ZNF469: variants seen among roughly 807,000 people sequenced by gnomAD.
The protein encoded by ZNF469 is zinc finger protein 469.
A neutral mutation model predicts 1.0 loss-of-function variants in ZNF469; 1 was observed. The observed-to-expected ratio is 1.00, with a 90% CI of 0.35 to 4.73. The LOEUF is 4.73. ZNF469 is among the 30% of genes most tolerant of loss of function. ZNF469 has a pLI of 0.16. For missense variants in ZNF469, 6,100 were observed against 5,356.3 expected (o/e 1.14, Z -4.33); for synonymous variants, 2,703 against 2,363.4 (o/e 1.14, Z -4.17).
chr16:88,286,414 C>A, the ZNF469 span, among the ~76,000 whole-genome samples: 3 of 152,238 alleles, frequency 2.0e-5, no homozygotes, highest in Non-Finnish European at 2.9e-5. Context: ...CTCGCTGGTG[C>A]CCTCTTCTCC....
chr16:88,435,866 C>T lies in ZNF469; in HGVS notation c.8396C>T (p.Pro2799Leu), dbSNP rs1217092703. 6.5e-7 allele frequency: 1 copy of T among 1,550,300 alleles called. No homozygotes were observed. The highest frequency in any genetic ancestry group is 8.7e-7 in the Non-Finnish European group (1 of 1,146,960). The change falls in exon 3 of 3, where the codon CCC becomes CTC. Residue 2799 changes from proline (P) to leucine (L), a missense_variant. By Grantham distance (98) the Pro-to-Leu change is moderately conservative. Coordinates refer to ENST00000565624, the MANE Select transcript of ZNF469 (RefSeq NM_001367624.2). ...VWEENTPPLGPLGFPETSSSP... is the reference protein window; with the variant it reads ...VWEENTPPLGLLGFPETSSSP... ...GAGGAGAACACGCCCCCCTTGGGCCCCCTGGGTTTTCCCGAGACTTCCAGC... is the reference window on the plus strand; with the variant it reads ...GAGGAGAACACGCCCCCCTTGGGCCTCCTGGGTTTTCCCGAGACTTCCAGC...
At chr16:88,182,844 TTAGA>T in the ZNF469 span, among the ~76,000 whole-genome samples, 2 of 151,964 alleles carry the variant, frequency 1.3e-5, no homozygotes, top group Non-Finnish European at 2.9e-5. Flanking sequence ...TCAAAGATTC[TTAGA>T]TAGGATACAA....
At chr16:88,262,692 A>G in the ZNF469 span, among the ~76,000 whole-genome samples, 1 of 151,994 alleles carries the variant, frequency 6.6e-6, no homozygotes, top group East Asian at 1.9e-4. This position sits in a 1 kb window ranked among gnomAD's most constrained non-coding sequence, Gnocchi z 4.3. Context: ...CAGGCCGACA[A>G]TTTCCCTGCC....
At chr16:88,366,189 A>G in the ZNF469 span, among the ~76,000 whole-genome samples, 82 of 129,966 alleles carry the variant, frequency 6.3e-4, no homozygotes, top group South Asian at 2.2e-3. Context: ...TCATCACTAT[A>G]ACCATTTTCA....
At chr16:88,144,413 A>C in the ZNF469 span, among the ~76,000 whole-genome samples, 1 of 152,194 alleles carries the variant, frequency 6.6e-6, no homozygotes, top group African/African-American at 2.4e-5. Context: ...AGATAAGGGG[A>C]TGGTGTGATT....
At chr16:88,240,866 T>C in the ZNF469 span, among the ~76,000 whole-genome samples, 1 of 152,052 alleles carries the variant, frequency 6.6e-6, no homozygotes, top group Non-Finnish European at 1.5e-5. Context: ...GGACCCTCAG[T>C]GTGCCCCAGC....
the ZNF469 span, among the ~76,000 whole-genome samples, chr16:88,377,938 C>A: frequency 4.6e-5 from 7 of 152,258 alleles, no homozygotes; most frequent in South Asian, 1.5e-3. Flanking sequence ...GTGCCTAGGG[C>A]AGCACAGGGG....
chr16:88,337,454 A>G, the ZNF469 span, among the ~76,000 whole-genome samples: 1 of 152,198 alleles, frequency 6.6e-6, no homozygotes, highest in Non-Finnish European at 1.5e-5. Flanking sequence ...TAAATTACCC[A>G]GTCTCGGGTA....
At chr16:88,259,464 C>G in the ZNF469 span, among the ~76,000 whole-genome samples, 4 of 152,326 alleles carry the variant, frequency 2.6e-5, no homozygotes, top group South Asian at 6.2e-4. The surrounding 1 kb of genome is among the most constrained non-coding windows in gnomAD (Gnocchi z 4.1). Context: ...TGTGGATGCC[C>G]CGCATGCTTC....
At chr16:88,204,284 C>T in the ZNF469 span, among the ~76,000 whole-genome samples, 1 of 152,012 alleles carries the variant, frequency 6.6e-6, no homozygotes, top group Non-Finnish European at 1.5e-5. Flanking sequence ...CCGGAGGTGC[C>T]CCGTAACCTC....
chr16:88,430,509 G>T lies in ZNF469; in HGVS notation c.3039G>T (p.Pro1013=). ...GCGCAGACCCCGCGCCCCGGGTCCCGAGAGCCGCCGCCCTCCCCGAGGAGA... is the reference window on the plus strand; with the variant it reads ...GCGCAGACCCCGCGCCCCGGGTCCCTAGAGCCGCCGCCCTCCCCGAGGAGA... ...GSRADPAPRV[P]RAAALPEETR... is the part of the protein sequence containing the mutation. The change falls in exon 3 of 3, where the codon CCG becomes CCT. Residue 1013 remains proline (P), a synonymous_variant. Coordinates refer to ENST00000565624, the MANE Select transcript of ZNF469 (RefSeq NM_001367624.2). The T allele has an allele frequency of 7.0e-7, 1 of 1,424,460 alleles. No individual in the cohort carries two copies. Among genetic ancestry groups the T allele is most frequent in the South Asian group, 1.5e-5 (1 of 67,462 alleles). The allele number at this position is 1,424,460 out of a possible 1,614,324, so 88.2% of individuals were successfully genotyped here.
chr16:88,398,604 G>GCATGTGAGCCATGGATGAAGGGA lies in ZNF469; in HGVS notation c.-192+15354_-192+15376dup, dbSNP rs1904764996. Among the ~76,000 whole-genome samples the GCATGTGAGCCATGGATGAAGGGA allele has an allele frequency of 2.1e-5, 3 of 145,754 alleles. No individual in the cohort carries two copies. In the East Asian group the frequency reaches 6.2e-4, roughly 30 times the overall value. On this transcript the variant is annotated intron_variant, in intron 1 of 2. Coordinates refer to ENST00000565624, the MANE Select transcript of ZNF469 (RefSeq NM_001367624.2). ...GGGACATGTGCCACAGATGAAGGGG[G>GCATGTGAGCCATGGATGAAGGGA]CATGTGAGCCATGGATGAAGGGACA... is the stretch of plus-strand genomic sequence containing the variant.
chr16:88,349,558 C>G, the ZNF469 span, among the ~76,000 whole-genome samples: 1 of 150,438 alleles, frequency 6.6e-6, no homozygotes, highest in Non-Finnish European at 1.5e-5. Context: ...ACACACCACA[C>G]CCAAGTGCAC....
upstream of ZNF469, among the ~76,000 whole-genome samples, chr16:88,382,007 A>G (rs1275022813): frequency 1.3e-5 from 2 of 152,166 alleles, no homozygotes; most frequent in East Asian, 3.9e-4. Flanking sequence ...CTCCCGGGGG[A>G]CCTTTGTCTG....
At chr16:88,343,028 C>T in the ZNF469 span, among the ~76,000 whole-genome samples, 5 of 152,120 alleles carry the variant, frequency 3.3e-5, no homozygotes, top group East Asian at 1.9e-4. Flanking sequence ...GGCAAAGCAG[C>T]GGGCAGATAG....
chr16:88,418,821 G>A (rs1168506165), intron 1 of ZNF469, among the ~76,000 whole-genome samples: 1 of 152,246 alleles, frequency 6.6e-6, no homozygotes, highest in African/African-American at 2.4e-5. Context: ...TCAGGTAACA[G>A]ATAGTTTTTA....
At chr16:88,167,826 C>G in the ZNF469 span, among the ~76,000 whole-genome samples, 2 of 152,378 alleles carry the variant, frequency 1.3e-5, no homozygotes, top group African/African-American at 4.8e-5. Flanking sequence ...CTCTGCACCG[C>G]TCCCCAGGAC....
At position 88,438,268 on chromosome 16, in the gene ZNF469, T is replaced by C. The variant is rs1371747307; in HGVS notation, c.10798T>C (p.Ser3600Pro). Reference sequence around the variant, plus strand: ...CCAGCAAGCTCTCCCTCTGGGGGCATCTCTGCCGCGGCCGGGAGCCAGAGG... The same window carrying C: ...CCAGCAAGCTCTCCCTCTGGGGGCACCTCTGCCGCGGCCGGGAGCCAGAGG... The part of the protein sequence containing the change: ...LLQQALPLGA[S>P]LPRPGARGQD... Residue 3600 changes from serine (S) to proline (P), a missense_variant, in exon 3 of 3, where the codon TCT becomes CCT. By Grantham distance (74) the Ser-to-Pro change is moderately conservative. Coordinates refer to ENST00000565624, the MANE Select transcript of ZNF469 (RefSeq NM_001367624.2). The C allele has an allele frequency of 6.5e-7, 1 of 1,547,942 alleles. No individual in the cohort carries two copies. Among genetic ancestry groups the C allele is most frequent in the African/African-American group, 1.4e-5 (1 of 72,938 alleles).
the ZNF469 span, among the ~76,000 whole-genome samples, chr16:88,111,101 C>G: frequency 0.19 from 28,956 of 152,226 alleles, 3,589 homozygotes; most frequent in East Asian, 0.36. Flanking sequence ...CCAAACCCCA[C>G]TGTCAGGGCC....
Sources: allele counts gnomAD v4.1 joint callset (sites outside exome capture counted in the v4.1 genomes callset), GRCh38; gene constraint gnomAD v4.1.1; non-coding constraint Gnocchi (gnomAD v3.1); transcripts MANE v1.5; gene names NCBI Gene and HGNC (gene_info 2026-07-23, HGNC 2026-07-21).